CHIC2: variants seen among roughly 807,000 people sequenced by gnomAD.
CHIC2 encodes the protein cysteine-rich hydrophobic domain-containing protein 2.
A neutral mutation model predicts 25.9 loss-of-function variants in CHIC2; 14 were observed. The observed-to-expected ratio is 0.54, with a 90% confidence interval of 0.36 to 0.85. CHIC2 has a LOEUF of 0.85. CHIC2 is among the 40% of genes least tolerant of loss of function. The pLI, the probability that CHIC2 is intolerant of heterozygous loss-of-function variation, is 0.01. For synonymous variants in CHIC2, 70 were observed against 72.0 expected (o/e 0.97, Z 0.14); for missense variants, 146 against 202.0 (o/e 0.72, Z 1.68).
upstream of CHIC2, chr4:54,064,615 G>C: frequency 4.4e-6 from 5 of 1,126,782 alleles, no homozygotes; most frequent in East Asian, 4.7e-5. This position sits in a 1 kb window ranked among gnomAD's most constrained non-coding sequence, Gnocchi z 4.2. Context: ...CACAGCAACA[G>C]CCCGAGCCAC....
chr4:54,042,331 T>A (rs530326244), intron 3 of CHIC2, among the ~76,000 whole-genome samples: 3 of 152,180 alleles, frequency 2.0e-5, no homozygotes, highest in Admixed American at 2.0e-4. Context: ...AAACTACAGA[T>A]TAAACTAGCT....
the CHIC2 span, among the ~76,000 whole-genome samples, chr4:54,070,613 G>C: frequency 1.3e-5 from 2 of 151,994 alleles, no homozygotes; most frequent in African/African-American, 4.8e-5. Flanking sequence ...AGTAGAGACG[G>C]GGTTTCACCG....
At chr4:54,061,975 TGAG>T (rs956670250) in intron 1 of CHIC2, among the ~76,000 whole-genome samples, 2 of 152,158 alleles carry the variant, frequency 1.3e-5, no homozygotes, top group Non-Finnish European at 2.9e-5. Flanking sequence ...AAACTATATC[TGAG>T]GAGGAGAATA....
Position 54,010,101 on chromosome 4 carries a change from TG to T in CHIC2, c.491del (p.Pro164GlnfsTer50). 1 of 1,602,606 alleles carries T rather than the reference TG, an allele frequency of 6.2e-7. No individual in the cohort carries two copies. Reference sequence around the variant, plus strand: ...TCTATAAATAAAGTAAATGCTAATCTGGTCGAAAAATCGGTGTCTTTGGTAA... The same window carrying T: ...TCTATAAATAAAGTAAATGCTAATCTGTCGAAAAATCGGTGTCTTTGGTAA... ...EFLPKTPIFRPD is the reference protein window; with the variant it reads ...EFLPKTPIFRXD On this transcript the variant is annotated frameshift_variant, in exon 6 of 6. Coordinates refer to ENST00000263921, the MANE Select transcript of CHIC2 (RefSeq NM_012110.4). LOFTEE classifies it high-confidence loss of function.
At chr4:54,053,786 C>T (rs757467181) in intron 1 of CHIC2, among the ~76,000 whole-genome samples, 1 of 151,582 alleles carries the variant, frequency 6.6e-6, no homozygotes, top group Non-Finnish European at 1.5e-5. Flanking sequence ...AAATAATTGA[C>T]GAGTATTTTA....
intron 3 of CHIC2, among the ~76,000 whole-genome samples, chr4:54,044,491 A>T (rs984786869): frequency 5.3e-5 from 8 of 152,012 alleles, no homozygotes; most frequent in Non-Finnish European, 7.4e-5. Context: ...GGATTAAGAA[A>T]CTCACTCAAA....
At chr4:54,059,320 A>T (rs1717263426) in intron 1 of CHIC2, among the ~76,000 whole-genome samples, 1 of 152,150 alleles carries the variant, frequency 6.6e-6, no homozygotes, top group Non-Finnish European at 1.5e-5. Context: ...TGAAGCCAGG[A>T]GTTCAAAACC....
intron 3 of CHIC2, 24 bp downstream of exon 3, chr4:54,048,931 A>G (rs1211166289): frequency 2.0e-6 from 3 of 1,490,940 alleles, no homozygotes; most frequent in Non-Finnish European, 2.7e-6. Flanking sequence ...CTAAATTTAA[A>G]TTAAAATATA....
intron 3 of CHIC2, among the ~76,000 whole-genome samples, chr4:54,019,632 A>G (rs939165060): frequency 1.3e-5 from 2 of 152,200 alleles, no homozygotes; most frequent in Non-Finnish European, 1.5e-5. Context: ...GTACACAAAC[A>G]TGCACAATTT....
chr4:54,043,824 G>A (rs1469917791), intron 3 of CHIC2, among the ~76,000 whole-genome samples: 4 of 152,136 alleles, frequency 2.6e-5, no homozygotes, highest in Non-Finnish European at 5.9e-5. Context: ...AAATGTAAAT[G>A]GGCTAAATGC....
At chr4:54,045,215 G>C (rs1716745082) in intron 3 of CHIC2, among the ~76,000 whole-genome samples, 1 of 152,178 alleles carries the variant, frequency 6.6e-6, no homozygotes, top group Non-Finnish European at 1.5e-5. Flanking sequence ...AATTCTACCA[G>C]AGGTACAAGG....
At chr4:54,058,518 T>A (rs1026051148) in intron 1 of CHIC2, among the ~76,000 whole-genome samples, 1 of 150,982 alleles carries the variant, frequency 6.6e-6, no homozygotes, top group Non-Finnish European at 1.5e-5. Context: ...AGACCCAATA[T>A]TCTGATTGGG....
chr4:54,070,715 G>A, the CHIC2 span, among the ~76,000 whole-genome samples: 2 of 152,158 alleles, frequency 1.3e-5, no homozygotes, highest in African/African-American at 2.4e-5. Flanking sequence ...GAGCCACCAG[G>A]CCTGGCCAGA....
chr4:54,054,666 G>A (rs1455244335), intron 1 of CHIC2, among the ~76,000 whole-genome samples: 1 of 152,142 alleles, frequency 6.6e-6, no homozygotes, highest in Non-Finnish European at 1.5e-5. Context: ...GATCACAAGT[G>A]GGCATCTGCT....
At chr4:54,084,670 T>C in the CHIC2 span, among the ~76,000 whole-genome samples, 1 of 152,122 alleles carries the variant, frequency 6.6e-6, no homozygotes, top group South Asian at 2.1e-4. Flanking sequence ...CTAAGCACAG[T>C]GGCTTACACC....
chr4:54,067,893 G>GTGCA (rs1313672211), upstream of CHIC2, among the ~76,000 whole-genome samples: 3 of 151,472 alleles, frequency 2.0e-5, no homozygotes, highest in Admixed American at 1.3e-4. Context: ...AAATGAGATC[G>GTGCA]TGCATGTACT....
chr4:54,044,639 T>G (rs1331740704), intron 3 of CHIC2, among the ~76,000 whole-genome samples: 1 of 151,926 alleles, frequency 6.6e-6, no homozygotes, highest in Non-Finnish European at 1.5e-5. Flanking sequence ...CTGGGACACA[T>G]TCAAAGCAGT....
chr4:54,061,080 T>C (rs916404311), intron 1 of CHIC2: 1 of 152,048 alleles, frequency 6.6e-6, no homozygotes, highest in African/African-American at 2.4e-5. Flanking sequence ...GAGAGAAGTA[T>C]AAAAAGTAAG....
intron 1 of CHIC2, among the ~76,000 whole-genome samples, chr4:54,058,763 T>A (rs1219811465): frequency 6.6e-6 from 1 of 152,230 alleles, no homozygotes; most frequent in Non-Finnish European, 1.5e-5. Flanking sequence ...AGTATACAGC[T>A]GGCCTAATAT....
Sources: gnomAD v4.1 joint callset for allele counts (sites outside exome capture counted in the v4.1 genomes callset) on GRCh38, gnomAD v4.1.1 for gene constraint, Gnocchi (gnomAD v3.1) non-coding constraint, MANE v1.5 for transcripts, NCBI Gene and HGNC (gene_info 2026-07-23, HGNC 2026-07-21) for gene names.